Variants in POM121 observed in about 807,000 individuals in gnomAD.
POM121 encodes the protein POM121 transmembrane nucleoporin.
A neutral mutation model predicts 81.3 loss-of-function variants in POM121; 32 were observed. That is an observed-to-expected ratio of 0.39 (90% CI 0.30 to 0.53). The LOEUF is 0.53. POM121 is among the 20% of genes least tolerant of loss of function. The pLI is 0.66. For missense variants in POM121, 1,138 were observed against 1,614.6 expected (o/e 0.70, Z 5.06); for synonymous variants, 514 against 694.2 (o/e 0.74, Z 4.08).
At chr7:72,929,883 A>T (rs782084048) in intron 4 of POM121, 57 bp from the exon 5 acceptor site, 13 of 1,501,456 alleles carry the variant, frequency 8.7e-6, no homozygotes, top group Non-Finnish European at 8.9e-6. Flanking sequence ...ACCGTGGATG[A>T]AATCGTAAAA....
chr7:72,916,062 C>T (rs1390290058), intron 4 of POM121, among the ~76,000 whole-genome samples: 1 of 152,148 alleles, frequency 6.6e-6, no homozygotes, highest in Non-Finnish European at 1.5e-5. Flanking sequence ...TCTACAAGAT[C>T]TGGACCTGAC....
chr7:72,886,740 A>G (rs552669234), intron 1 of POM121, among the ~76,000 whole-genome samples: 77 of 151,472 alleles, frequency 5.1e-4, no homozygotes, highest in African/African-American at 1.8e-3. Context: ...TCCTGCTTAC[A>G]TTTTTTTCTA....
chr7:72,899,337 G>A (rs1792332194), intron 3 of POM121, among the ~76,000 whole-genome samples: 1 of 152,094 alleles, frequency 6.6e-6, no homozygotes, highest in Non-Finnish European at 1.5e-5. Context: ...ATAGGTAGGT[G>A]CTCAATGAGT....
rs1227065533 is a variant in POM121 at position 72,928,827 on chromosome 7, G to A, written c.1103+362G>A. Among the ~76,000 whole-genome samples, 6 of 152,322 alleles carry A rather than the reference G, an allele frequency of 3.9e-5. No individual in the cohort carries two copies. The South Asian group carries it at 1.0e-3, about 26-fold the overall frequency. On this transcript the variant is annotated intron_variant, in intron 4 of 12. Coordinates refer to ENST00000434423, the MANE Select transcript of POM121 (RefSeq NM_001387691.1). ...TAAAAACAAATTGGAGGAAGAATTG[G>A]GTGGAAAGGAAAGTGGCTCAAAAGT...
chr7:72,907,360 T>C (rs1793347918), intron 3 of POM121, among the ~76,000 whole-genome samples: 1 of 152,216 alleles, frequency 6.6e-6, no homozygotes, highest in African/African-American at 2.4e-5. Context: ...GATAATGTTA[T>C]GATTTTGCTT....
chr7:72,948,077 C>G lies in POM121; in HGVS notation c.*1843C>G, dbSNP rs1224993452. On this transcript the variant is annotated 3_prime_UTR_variant, in exon 13 of 13. Transcript: ENST00000434423. ...GACCCTCCTAGTGTCAGTACCTGAG[C>G]TAGTTTACCTCAGTTCCGCAGGCAG... The G allele has an allele frequency of 3.0e-6, 4 of 1,326,880 alleles. No homozygotes were observed. In the African/African-American group the frequency reaches 6.0e-5, roughly 20 times the overall value. The allele number at this position is 1,326,880 out of a possible 1,614,324, so 82.2% of individuals were successfully genotyped here. A position where few individuals can be genotyped will look rare whatever the true frequency, so the allele number is the denominator to read the frequency against.
At chr7:72,890,744 G>C (rs1226997670) in exon 2 of POM121, 36 of 1,601,370 alleles carry the variant, frequency 2.2e-5, no homozygotes, top group Non-Finnish European at 2.8e-5. Context: ...CAGCCATCTA[G>C]TTTCCCTGGG....
intron 5 of POM121, among the ~76,000 whole-genome samples, chr7:72,937,219 C>T (rs1459245078): frequency 2.0e-5 from 3 of 151,018 alleles, no homozygotes; most frequent in Non-Finnish European, 1.5e-5. Flanking sequence ...CGCGCCACTG[C>T]ACTCCAGCCT....
Position 72,925,491 on chromosome 7 carries a change from A to G in POM121, c.370A>G (p.Thr124Ala). The change falls in exon 1 of 13, where the codon ACC becomes GCC. Residue 124 changes from threonine to alanine, a missense_variant. By Grantham distance (58) the Thr-to-Ala change is moderately conservative. Coordinates refer to ENST00000434423, the MANE Select transcript of POM121 (RefSeq NM_001387691.1). ...TANGNLLEPR[T>A]LLEGPDPAEL... ...CAACGGAAACCTCCTAGAGCCGCGG[A>G]CCCTGCTCGAAGGACCTGACCCTGC... 6.5e-7 allele frequency: 1 copy of G among 1,531,106 alleles called. No individual in the cohort carries two copies. The highest frequency in any genetic ancestry group is 8.7e-7 in the Non-Finnish European group (1 of 1,145,050). The allele number at this position is 1,531,106 out of a possible 1,614,324, so 94.8% of individuals were successfully genotyped here. A position where few individuals can be genotyped will look rare whatever the true frequency, so the allele number is the denominator to read the frequency against.
At chr7:72,910,842 T>C (rs1329994140) in intron 3 of POM121, among the ~76,000 whole-genome samples, 1 of 152,100 alleles carries the variant, frequency 6.6e-6, no homozygotes, top group Non-Finnish European at 1.5e-5. Flanking sequence ...TTGTAGACTC[T>C]GCTCTAACAG....
intron 3 of POM121, among the ~76,000 whole-genome samples, chr7:72,902,860 T>C (rs2129575729): frequency 6.6e-6 from 1 of 152,332 alleles, no homozygotes; most frequent in South Asian, 2.1e-4. Flanking sequence ...TCTGTATCGA[T>C]GTTCTGCATT....
At chr7:72,950,060 T>C (rs781939933), downstream of POM121, 14 of 1,564,754 alleles carry the variant, frequency 8.9e-6, 1 homozygote, top group African/African-American at 1.6e-4. Context: ...TTGCCTACCC[T>C]GTCCTGCAGA....
In POM121 at chr7:72,930,095, C is replaced by G; in HGVS notation, c.1259C>G (p.Thr420Ser). The change falls in exon 5 of 13, where the codon ACT becomes AGT. Residue 420 changes from threonine to serine, a missense_variant. By Grantham distance (58) the Thr-to-Ser change is moderately conservative. Coordinates refer to ENST00000434423, the MANE Select transcript of POM121 (RefSeq NM_001387691.1). The stretch of plus-strand genomic sequence containing the variant: ...GCCATTACCAGTTCCTACAGCTCCA[C>G]TCGAGGCATCTCACAGGTACAAGTA... ...RNAITSSYSSTRGISQLWKRN... is the reference protein window; with the variant it reads ...RNAITSSYSSSRGISQLWKRN... The G allele has an allele frequency of 6.2e-7, 1 of 1,610,862 alleles. No individual in the cohort carries two copies.
downstream of POM121, chr7:72,950,057 C>T (rs1586205242): frequency 6.4e-7 from 1 of 1,562,360 alleles, no homozygotes; most frequent in Non-Finnish European, 8.8e-7. Context: ...CTCTTGCCTA[C>T]CCTGTCCTGC....
downstream of POM121, chr7:72,949,562 CAG>C: frequency 1.4e-6 from 1 of 718,062 alleles, no homozygotes; most frequent in South Asian, 1.7e-5. Context: ...ACAGCTGACA[CAG>C]ACAACCAGAA....
chr7:72,929,266 A>G (rs1350072752), intron 4 of POM121, among the ~76,000 whole-genome samples: 1 of 152,226 alleles, frequency 6.6e-6, no homozygotes, highest in Non-Finnish European at 1.5e-5. Flanking sequence ...TGAAAGAAGC[A>G]AAATAACTTG....
chr7:72,930,455 T>C (rs1357513923), intron 5 of POM121, among the ~76,000 whole-genome samples: 2 of 152,224 alleles, frequency 1.3e-5, no homozygotes, highest in African/African-American at 4.8e-5. Context: ...AAGCCCAGAA[T>C]GTACAGCAGT....
intron 3 of POM121, among the ~76,000 whole-genome samples, chr7:72,898,220 C>T (rs1301402048): frequency 2.6e-5 from 4 of 152,090 alleles, no homozygotes; most frequent in African/African-American, 4.8e-5. Flanking sequence ...TGGTCTTGCA[C>T]GTGTCAGGTT....
At chr7:72,929,355 G>A (rs1280850793) in intron 4 of POM121, among the ~76,000 whole-genome samples, 1 of 152,220 alleles carries the variant, frequency 6.6e-6, no homozygotes, top group East Asian at 1.9e-4. Context: ...ACTGGTTCAT[G>A]GTTGACGTGG....
Sources: allele counts gnomAD v4.1 joint callset (sites outside exome capture counted in the v4.1 genomes callset), GRCh38; gene constraint gnomAD v4.1.1; transcripts MANE v1.5; gene names NCBI Gene and HGNC (gene_info 2026-07-23, HGNC 2026-07-21).